The following SERINC1 variants were observed in gnomAD, a reference collection of about 807,000 sequenced individuals.
SERINC1 encodes the protein serine incorporator 1, also known as tumor differentially expressed protein 2.
In SERINC1, 38 loss-of-function variants were observed where a neutral mutation model predicts 52.9. That is an observed-to-expected ratio of 0.72 (90% CI 0.55 to 0.94). The LOEUF (loss-of-function observed/expected upper bound fraction) is 0.94. Ranked by LOEUF, SERINC1 falls within the 40% of genes least tolerant of loss-of-function variation. The pLI is 0.00. For synonymous variants in SERINC1, 198 were observed against 183.1 expected (o/e 1.08, Z -0.66); for missense variants, 471 against 533.9 (o/e 0.88, Z 1.16).
intron 1 of SERINC1, among the ~76,000 whole-genome samples, chr6:122,471,180 C>T (rs1393886117): frequency 2.0e-5 from 3 of 151,878 alleles, no homozygotes; most frequent in African/African-American, 7.3e-5. Flanking sequence ...AGCATTACTG[C>T]CAGGCGGTTC....
Position 122,454,916 on chromosome 6 carries a change from A to G in SERINC1, c.372-686T>C, listed in dbSNP as rs145633908. Among the ~76,000 whole-genome samples, 62 of 152,342 alleles carry G rather than the reference A, an allele frequency of 4.1e-4. 1 individual carries two copies. The highest frequency in any genetic ancestry group is 1.3e-3 in the African/African-American group (54 of 41,578). On this transcript the variant is annotated intron_variant, in intron 3 of 9. Transcript: ENST00000339697. ...GTCAAAAACATGTTCATGCATGCAT[A>G]TACTTGTACTAAGAAAATATCTTCA...
intron 1 of SERINC1, among the ~76,000 whole-genome samples, chr6:122,459,851 A>G (rs1033879172): frequency 2.0e-5 from 3 of 152,224 alleles, no homozygotes; most frequent in Non-Finnish European, 4.4e-5. Flanking sequence ...AACTATCAAG[A>G]AACAAAACAG....
intron 9 of SERINC1, 45 bp downstream of exon 9, chr6:122,446,729 G>A: frequency 8.0e-7 from 1 of 1,246,024 alleles, no homozygotes; most frequent in Non-Finnish European, 1.2e-6. Flanking sequence ...ATCATAAAAT[G>A]CCATCAGAAT....
intron 1 of SERINC1, among the ~76,000 whole-genome samples, chr6:122,459,646 G>GA (rs1775065661): frequency 6.6e-6 from 1 of 152,034 alleles, no homozygotes; most frequent in African/African-American, 2.4e-5. Context: ...GGCATATGAA[G>GA]AATTCAGTCT....
At chr6:122,466,593 C>T (rs1281856688) in intron 1 of SERINC1, among the ~76,000 whole-genome samples, 2 of 152,104 alleles carry the variant, frequency 1.3e-5, no homozygotes, top group Admixed American at 6.5e-5. Flanking sequence ...CTTGGCCTCC[C>T]AAAGTGCTAA....
At position 122,444,746 on chromosome 6, in the gene SERINC1, A is replaced by C; in HGVS notation, c.*298T>G. 1 of 256,118 alleles carries C rather than the reference A, an allele frequency of 3.9e-6. No individual in the cohort carries two copies. The allele number at this position is 256,118 out of a possible 1,614,324, so 15.9% of individuals were successfully genotyped here. A position where few individuals can be genotyped will look rare whatever the true frequency, so the allele number is the denominator to read the frequency against. On this transcript the variant is annotated 3_prime_UTR_variant, in exon 10 of 10. Transcript: ENST00000339697. ...GTCTAATATAATTTTAAAATAGTCA[A>C]ACAAATTTGTTTTTACTCTTCATTT...
rs1326087883 is a variant in SERINC1 at position 122,445,177 on chromosome 6, T to C, written c.1229A>G (p.Tyr410Cys). 2 of 1,609,888 alleles carry C rather than the reference T, an allele frequency of 1.2e-6. No homozygotes were observed. Among genetic ancestry groups the C allele is most frequent in the Non-Finnish European group, 8.5e-7 (1 of 1,178,974 alleles). The change falls in exon 10 of 10, where the codon TAT becomes TGT. Residue 410 changes from tyrosine (Y) to cysteine (C), a missense_variant and splice_region_variant. Tyr to Cys is a radical substitution (Grantham distance 194). Transcript: ENST00000339697. Reference sequence around the variant, plus strand: ...ACTTTTCATCTCACGAGAGGGTTCATACCTAAAATTTCAGGGAAAATTATT... The same window carrying C: ...ACTTTTCATCTCACGAGAGGGTTCACACCTAAAATTTCAGGGAAAATTATT... ...IMMTLTNWYR[Y>C]EPSREMKSQW...
intron 9 of SERINC1, 60 bp downstream of exon 9, chr6:122,446,714 A>G: frequency 8.8e-7 from 1 of 1,136,038 alleles, no homozygotes; most frequent in Non-Finnish European, 1.3e-6. Context: ...TGGTTTCACA[A>G]GAGAATCATA....
In SERINC1 at chr6:122,444,453, C is replaced by G; in HGVS notation, c.*591G>C. On this transcript the variant is annotated 3_prime_UTR_variant, in exon 10 of 10. Coordinates refer to ENST00000339697, the MANE Select transcript of SERINC1 (RefSeq NM_020755.4). The stretch of plus-strand genomic sequence containing the variant: ...ACTTTGTTGGCAAAGGCCATCTCTA[C>G]CCAAGTAAGATTATTTACTCGTTAT... The G allele has an allele frequency of 6.6e-6, 1 of 152,244 alleles. No homozygotes were observed. The allele number at this position is 152,244 out of a possible 1,614,324, so 9.4% of individuals were successfully genotyped here.
chr6:122,443,933 G>C lies in SERINC1; in HGVS notation c.*1111C>G, dbSNP rs529031202. The C allele has an allele frequency of 3.3e-5, 5 of 152,156 alleles. No homozygotes were observed. In the East Asian group the frequency reaches 9.7e-4, roughly 29 times the overall value. 9.4% of individuals were successfully genotyped at this position (152,156 alleles called of 1,614,324 possible). The stretch of plus-strand genomic sequence containing the variant: ...GAGAACTGGACTAGATTTTATATAA[G>C]TACCTACTAAAGCCTAGTGTTTTGC... On this transcript the variant is annotated 3_prime_UTR_variant, in exon 10 of 10. Transcript: ENST00000339697.
At chr6:122,460,705 G>A (rs1775086639) in intron 1 of SERINC1, among the ~76,000 whole-genome samples, 1 of 152,072 alleles carries the variant, frequency 6.6e-6, no homozygotes. Flanking sequence ...AAATTAGCAG[G>A]CATGCAAAAA....
At chr6:122,454,347 C>T in intron 3 of SERINC1, 117 bp from the exon 4 acceptor site, 1 of 618,494 alleles carries the variant, frequency 1.6e-6, no homozygotes, top group Non-Finnish European at 2.9e-6. Context: ...TGTTCTACTT[C>T]TTTCTGAGGA....
intron 4 of SERINC1, 103 bp downstream of exon 4, chr6:122,454,048 A>C (rs1461699333): frequency 2.9e-5 from 29 of 1,007,510 alleles, no homozygotes; most frequent in South Asian, 2.0e-4. Flanking sequence ...ACACACACAC[A>C]CACCCCCAAA....
chr6:122,449,881 T>G (rs1401521485), intron 7 of SERINC1, among the ~76,000 whole-genome samples: 4 of 152,126 alleles, frequency 2.6e-5, no homozygotes, highest in African/African-American at 9.7e-5. Context: ...CTGGGTGTGG[T>G]GGCGCAGGCC....
At chr6:122,459,126 A>G (rs537865775) in intron 1 of SERINC1, among the ~76,000 whole-genome samples, 30 of 152,324 alleles carry the variant, frequency 2.0e-4, no homozygotes, top group African/African-American at 6.0e-4. Context: ...GTGAATTGAT[A>G]TATTTTCCTT....
At chr6:122,458,773 TAAAAAAG>T in intron 1 of SERINC1, 92 bp from the exon 2 acceptor site, 1 of 949,280 alleles carries the variant, frequency 1.1e-6, no homozygotes. Flanking sequence ...TTCTATCTGT[TAAAAAAG>T]AAAAAAGACT....
chr6:122,447,336 T>A (rs1275336745), intron 7 of SERINC1, 71 bp from the exon 8 acceptor site: 2 of 1,230,384 alleles, frequency 1.6e-6, no homozygotes. Flanking sequence ...ACAAAAGTTA[T>A]TTTTAACTCT....
At position 122,451,902 on chromosome 6, in the gene SERINC1, G is replaced by C; in HGVS notation, c.745C>G (p.Leu249Val). Residue 249 changes from leucine (L) to valine (V), a missense_variant, in exon 6 of 10, where the codon CTG (leucine) becomes GTG (valine). Leu to Val is a conservative substitution (Grantham distance 32, BLOSUM62 1). Transcript: ENST00000339697. ...LCVGASVMSI[L>V]PKIQESQPRS... ...AAAGGGCATACTTGGATTTTTGGCAGTATAGACATTACAGAAGCACCAACG... is the reference window on the plus strand; with the variant it reads ...AAAGGGCATACTTGGATTTTTGGCACTATAGACATTACAGAAGCACCAACG... The C allele has an allele frequency of 4.5e-6, 7 of 1,568,216 alleles. No individual in the cohort carries two copies. Among genetic ancestry groups the C allele is most frequent in the Non-Finnish European group, 6.0e-6 (7 of 1,160,686 alleles).
At chr6:122,459,828 G>A (rs1376793056) in intron 1 of SERINC1, among the ~76,000 whole-genome samples, 6 of 151,954 alleles carry the variant, frequency 3.9e-5, no homozygotes, top group African/African-American at 7.3e-5. Flanking sequence ...GGGAAAAAAC[G>A]GACTTAACTA....
Sources: allele counts gnomAD v4.1 joint callset (sites outside exome capture counted in the v4.1 genomes callset), GRCh38; gene constraint gnomAD v4.1.1; transcripts MANE v1.5; gene names NCBI Gene and HGNC (gene_info 2026-07-23, HGNC 2026-07-21).